Variants in SAXO1 observed in about 807,000 individuals in gnomAD.
The protein encoded by SAXO1 is stabilizer of axonemal microtubules 1.
A neutral mutation model predicts 17.5 loss-of-function variants in SAXO1; 21 were observed. The observed-to-expected ratio is 1.20, with a 90% CI of 0.85 to 1.72. SAXO1 has a LOEUF of 1.72. Ranked by LOEUF, SAXO1 falls within the 40% of genes most tolerant of loss-of-function variation. SAXO1 has a pLI of 0.00. For synonymous variants in SAXO1, 274 were observed against 216.5 expected (o/e 1.27, Z -2.33); for missense variants, 843 against 596.0 (o/e 1.41, Z -4.32).
intron 1 of SAXO1, among the ~76,000 whole-genome samples, chr9:19,000,616 C>T (rs1458821163): frequency 1.3e-5 from 2 of 152,242 alleles, no homozygotes; most frequent in Non-Finnish European, 2.9e-5. Context: ...CACTGTGCAA[C>T]CCTCCAAGTG....
intron 1 of SAXO1, among the ~76,000 whole-genome samples, chr9:18,959,425 G>A (rs1355102870): frequency 6.6e-6 from 1 of 152,184 alleles, no homozygotes; most frequent in Non-Finnish European, 1.5e-5. Flanking sequence ...AGCCAGGTCT[G>A]CTGGCCTCGA....
intron 1 of SAXO1, among the ~76,000 whole-genome samples, chr9:18,999,524 C>T (rs548538847): frequency 1.2e-3 from 181 of 150,916 alleles, no homozygotes; most frequent in African/African-American, 4.2e-3. Flanking sequence ...AGGCCTCTGC[C>T]CGGCCGCCAC....
chr9:18,965,838 G>C (rs1563948982), intron 1 of SAXO1, among the ~76,000 whole-genome samples: 2 of 152,220 alleles, frequency 1.3e-5, no homozygotes, highest in East Asian at 3.9e-4. Flanking sequence ...TCTTCATAGT[G>C]TCATTGGTCT....
chr9:19,023,758 T>A (rs1588551315), intron 1 of SAXO1, among the ~76,000 whole-genome samples: 2 of 151,326 alleles, frequency 1.3e-5, no homozygotes, highest in African/African-American at 2.4e-5. Context: ...AATTCAGATA[T>A]TGGGCATTTC....
intron 1 of SAXO1, among the ~76,000 whole-genome samples, chr9:19,022,108 G>A (rs1256802650): frequency 6.6e-6 from 1 of 152,188 alleles, no homozygotes; most frequent in Non-Finnish European, 1.5e-5. Context: ...AGTTTCTGTG[G>A]CTTCATTCCT....
rs756051689 is a variant in SAXO1 at position 18,947,281 on chromosome 9, ACT to A, written c.218+3475_218+3476del. Among the ~76,000 whole-genome samples the A allele has an allele frequency of 4.6e-5, 7 of 152,142 alleles. No individual in the cohort carries two copies. In the South Asian group the frequency reaches 1.5e-3, roughly 32 times the overall value. Reference sequence around the variant, plus strand: ...AGTGCAAGACTCAAGCCTGCTACTAACTCTCTTGTTTCTTTCCTGACCTTTGG... The same window carrying A: ...AGTGCAAGACTCAAGCCTGCTACTAACTCTTGTTTCTTTCCTGACCTTTGG... On this transcript the variant is annotated intron_variant, in intron 2 of 3. Transcript: ENST00000380534.
intron 3 of SAXO1, among the ~76,000 whole-genome samples, chr9:18,931,890 T>C (rs754158140): frequency 6.6e-6 from 1 of 152,194 alleles, no homozygotes; most frequent in South Asian, 2.1e-4. Flanking sequence ...ATAGAATTCT[T>C]TGCATGTTCT....
intron 1 of SAXO1, among the ~76,000 whole-genome samples, chr9:19,019,226 G>C (rs1197574176): frequency 6.6e-6 from 1 of 152,108 alleles, no homozygotes; most frequent in Non-Finnish European, 1.5e-5. Flanking sequence ...AGCCTTTCAA[G>C]TCCGATGATC....
intron 2 of SAXO1, among the ~76,000 whole-genome samples, chr9:18,950,235 T>C (rs1265483714): frequency 6.6e-6 from 1 of 152,138 alleles, no homozygotes; most frequent in East Asian, 1.9e-4. Context: ...AAGCAAAACA[T>C]TATTTGTTCA....
At chr9:18,931,572 T>C (rs142992351) in intron 3 of SAXO1, among the ~76,000 whole-genome samples, 2 of 152,344 alleles carry the variant, frequency 1.3e-5, no homozygotes, top group South Asian at 2.1e-4. Context: ...CTTTAGCTTT[T>C]TAAAAAAGAT....
intron 1 of SAXO1, among the ~76,000 whole-genome samples, chr9:19,007,320 C>A (rs1021854531): frequency 9.2e-5 from 14 of 151,930 alleles, no homozygotes; most frequent in African/African-American, 3.1e-4. Flanking sequence ...GCACTCCAGC[C>A]TGGTCAAAGA....
chr9:18,945,842 A>T lies in SAXO1; in HGVS notation c.219-4003T>A, dbSNP rs946393077. 2.6e-5 allele frequency among the ~76,000 whole-genome samples: 4 copies of T among 152,184 alleles called. No individual in the cohort carries two copies. The East Asian group carries it at 7.7e-4, about 29-fold the overall frequency. On this transcript the variant is annotated intron_variant, in intron 2 of 3. Transcript: ENST00000380534. ...CCAACAGGTGGAAGCAGAAAATGGC[A>T]CTGTGTGAGGCTTCATTGCTTAATT...
intron 2 of SAXO1, among the ~76,000 whole-genome samples, chr9:18,949,860 A>C (rs1831958064): frequency 6.6e-6 from 1 of 152,236 alleles, no homozygotes; most frequent in South Asian, 2.1e-4. Flanking sequence ...GTGCTGGAAC[A>C]GTCAACATTC....
At chr9:19,027,395 A>G (rs765220886) in intron 1 of SAXO1, 1 of 764,128 alleles carries the variant, frequency 1.3e-6, no homozygotes, top group East Asian at 2.4e-5. Flanking sequence ...ACGGAGCAAT[A>G]CAGTGACACT....
chr9:18,937,618 C>T (rs971695915), intron 3 of SAXO1, among the ~76,000 whole-genome samples: 3 of 152,170 alleles, frequency 2.0e-5, no homozygotes, highest in African/African-American at 4.8e-5. Flanking sequence ...GAAATGATTG[C>T]ATCATGCAGG....
At chr9:18,998,221 AG>A (rs544249256) in intron 1 of SAXO1, among the ~76,000 whole-genome samples, 124 of 152,166 alleles carry the variant, frequency 8.1e-4, no homozygotes, top group Non-Finnish European at 1.3e-3. Context: ...CCTTGAAAAA[AG>A]GTTAGATGAA....
At chr9:18,975,044 G>A (rs527313641) in intron 1 of SAXO1, among the ~76,000 whole-genome samples, 4 of 152,294 alleles carry the variant, frequency 2.6e-5, no homozygotes, top group East Asian at 1.9e-4. Flanking sequence ...TGGCTAAGGG[G>A]CAAGAAGGTG....
rs554363040 is a variant in SAXO1 at position 19,010,025 on chromosome 9, C to T, written c.38+22846G>A. Among the ~76,000 whole-genome samples the T allele has an allele frequency of 4.6e-5, 7 of 152,086 alleles. No individual in the cohort carries two copies. The East Asian group carries it at 5.8e-4, about 13-fold the overall frequency. On this transcript the variant is annotated intron_variant, in intron 1 of 3. Transcript: ENST00000380534. The stretch of plus-strand genomic sequence containing the variant: ...TGTATTTTTTGTAGAGACAGGGTTT[C>T]GCCATGTTGCTCAGGCTGATCTCGA...
At chr9:19,038,569 G>C (rs1836000178) in intron 1 of SAXO1, among the ~76,000 whole-genome samples, 1 of 132,340 alleles carries the variant, frequency 7.6e-6, no homozygotes. Context: ...AGAACACATG[G>C]ACACAGGAAG....
Sources: gnomAD v4.1 joint callset for allele counts (sites outside exome capture counted in the v4.1 genomes callset) on GRCh38, gnomAD v4.1.1 for gene constraint, MANE v1.5 for transcripts, NCBI Gene and HGNC (gene_info 2026-07-23, HGNC 2026-07-21) for gene names.